Variants in RGS3 observed in about 807,000 individuals in gnomAD.
RGS3 encodes regulator of G-protein signalling 3.
Under a neutral mutation model 132.6 loss-of-function variants are expected in RGS3, and 80 were observed. The observed-to-expected ratio is 0.60, with a 90% CI of 0.50 to 0.73. RGS3 has a LOEUF of 0.73. Among genes scored for constraint, RGS3 ranks in the 30% least tolerant of loss-of-function variants. The pLI is 0.00. For missense variants in RGS3, 1,382 were observed against 1,530.8 expected (o/e 0.90, Z 1.62); for synonymous variants, 598 against 620.6 (o/e 0.96, Z 0.54).
intron 8 of RGS3, 114 bp downstream of exon 6, chr9:113,495,960 CTGAGACAGGTGCCCTGTGGGG>C: frequency 1.1e-6 from 1 of 921,866 alleles, no homozygotes; most frequent in South Asian, 1.3e-5. Context: ...TGGTGCCCCA[CTGAGACAGGTGCCCTGTGGGG>C]TGGCCTGCAT....
chr9:113,466,738 A>G (rs1412157438), intron 3 of RGS3, among the ~76,000 whole-genome samples: 1 of 152,242 alleles, frequency 6.6e-6, no homozygotes, highest in African/African-American at 2.4e-5. Context: ...TTGAAATATA[A>G]TTCAGATATA....
intron 15 of RGS3, among the ~76,000 whole-genome samples, chr9:113,517,030 C>T (rs1270445709): frequency 6.6e-6 from 1 of 152,122 alleles, no homozygotes; most frequent in Non-Finnish European, 1.5e-5. Context: ...GATAATTGAC[C>T]CTTGGGGGAT....
In RGS3 at chr9:113,565,095, C is replaced by T. The variant is rs1833934903; in HGVS notation, c.2038-18355C>T. 7.7e-6 allele frequency: 9 copies of T among 1,162,604 alleles called. No homozygotes were observed. The highest frequency in any genetic ancestry group is 1.6e-5 in the African/African-American group (1 of 61,782). The allele number at this position is 1,162,604 out of a possible 1,614,324, so 72.0% of individuals were successfully genotyped here. Reference sequence around the variant, plus strand: ...GCCGTTGTGAGGGATGGACGCCTCTCCCCCGGAGCAGCACTTTGGGGCCAG... The same window carrying T: ...GCCGTTGTGAGGGATGGACGCCTCTTCCCCGGAGCAGCACTTTGGGGCCAG... On this transcript the variant is annotated intron_variant, in intron 19 of 24. Transcript: ENST00000350696. This position sits in a 1 kb window ranked among gnomAD's most constrained non-coding sequence, Gnocchi z 5.7.
intron 19 of RGS3, among the ~76,000 whole-genome samples, chr9:113,547,945 T>C (rs754774414): frequency 1.3e-5 from 2 of 152,206 alleles, no homozygotes; most frequent in South Asian, 4.1e-4. Flanking sequence ...TATTAAGGGT[T>C]AAGTAGGCTG....
At chr9:113,518,406 G>T (rs1831783505) in intron 16 of RGS3, among the ~76,000 whole-genome samples, 2 of 152,216 alleles carry the variant, frequency 1.3e-5, no homozygotes, top group South Asian at 4.1e-4. Context: ...ACCCAGGTCT[G>T]CTGCTGGCTC....
intron 19 of RGS3, among the ~76,000 whole-genome samples, chr9:113,544,299 G>GTT (rs572535036): frequency 3.4e-4 from 45 of 133,420 alleles, no homozygotes; most frequent in Non-Finnish European, 3.4e-4. Context: ...CCATTTTCAT[G>GTT]TTTTTTTTTT....
chr9:113,560,775 G>C (rs2118812809), intron 19 of RGS3, among the ~76,000 whole-genome samples: 1 of 152,312 alleles, frequency 6.6e-6, no homozygotes, highest in African/African-American at 2.4e-5. Flanking sequence ...GCTTGGACTG[G>C]GGTGGCCATA....
chr9:113,490,858 TATA>T (rs1192265964), intron 7 of RGS3, among the ~76,000 whole-genome samples: 2 of 131,612 alleles, frequency 1.5e-5, no homozygotes, highest in African/African-American at 2.9e-5. Flanking sequence ...ATAACCTAAT[TATA>T]ATTATATATC....
intron 3 of RGS3, among the ~76,000 whole-genome samples, chr9:113,464,100 G>A (rs1008787270): frequency 3.3e-5 from 5 of 152,378 alleles, no homozygotes; most frequent in Admixed American, 1.3e-4. Context: ...CCGGCCATGA[G>A]TGCCAACTGC....
chr9:113,550,866 G>A (rs996924166), intron 19 of RGS3, among the ~76,000 whole-genome samples: 3 of 152,038 alleles, frequency 2.0e-5, no homozygotes, highest in Non-Finnish European at 4.4e-5. Context: ...TATATAATAA[G>A]GATATTTGTG....
At chr9:113,584,339 T>C (rs751916188) in exon 20 of RGS3, 1 of 1,594,738 alleles carries the variant, frequency 6.3e-7, no homozygotes, top group Non-Finnish European at 8.5e-7. Flanking sequence ...ACCTGGGGCA[T>C]GCCTTCGCCC....
intron 23 of RGS3, chr9:113,595,377 A>G (rs1023074440): frequency 1.2e-5 from 7 of 575,482 alleles, no homozygotes; most frequent in African/African-American, 1.9e-5. Flanking sequence ...CATTTCACAG[A>G]TGAAGACACT....
intron 3 of RGS3, among the ~76,000 whole-genome samples, chr9:113,474,137 A>C (rs1325813202): frequency 2.6e-5 from 4 of 152,180 alleles, no homozygotes; most frequent in Non-Finnish European, 5.9e-5. Flanking sequence ...GTAGACTAGA[A>C]GACTTATGCT....
chr9:113,460,588 T>G (rs974291038), intron 1 of RGS3, among the ~76,000 whole-genome samples: 2 of 152,230 alleles, frequency 1.3e-5, no homozygotes, highest in Admixed American at 1.3e-4. Flanking sequence ...GAAATGAATT[T>G]TTAGTTAAAA....
chr9:113,531,607 A>G (rs1289514418), intron 18 of RGS3, among the ~76,000 whole-genome samples: 1 of 152,182 alleles, frequency 6.6e-6, no homozygotes. Flanking sequence ...GAAATCACAA[A>G]TGATTTATTG....
rs776998917 is a variant in RGS3 at position 113,594,950 on chromosome 9, G to C, written c.3214G>C (p.Glu1072Gln). 9 of 1,614,110 alleles carry C rather than the reference G, an allele frequency of 5.6e-6. No homozygotes were observed. The South Asian group carries it at 8.8e-5, about 16-fold the overall frequency. ...CTCAGAGGAAGCCCTCAAGTGGGGC[G>C]AGTCCTTGGAGAAGCTGCTGGTTCA... The change falls in exon 23 of 25, where the codon GAG becomes CAG. Residue 1072 changes from glutamate to glutamine, a missense_variant. Coordinates refer to ENST00000350696, the Ensembl canonical transcript of RGS3.
intron 19 of RGS3, among the ~76,000 whole-genome samples, chr9:113,540,329 A>G (rs1832851420): frequency 1.3e-5 from 2 of 152,056 alleles, no homozygotes. Context: ...TCAAGCAAAT[A>G]TACATAATAA....
At chr9:113,445,188 C>A (rs1050445086) in intron 1 of RGS3, among the ~76,000 whole-genome samples, 1 of 142,984 alleles carries the variant, frequency 7.0e-6, no homozygotes, top group Non-Finnish European at 1.5e-5. Flanking sequence ...TTTTCTTTTT[C>A]TTTTTTTTTT....
chr9:113,497,001 G>A (rs1013296830), intron 8 of RGS3, among the ~76,000 whole-genome samples: 2 of 152,180 alleles, frequency 1.3e-5, no homozygotes, highest in African/African-American at 4.8e-5. Context: ...GGCTCCTACT[G>A]TATACCAGGC....
Sources: allele counts gnomAD v4.1 joint callset (sites outside exome capture counted in the v4.1 genomes callset), GRCh38; gene constraint gnomAD v4.1.1; non-coding constraint Gnocchi (gnomAD v3.1); transcripts MANE v1.5; gene names NCBI Gene and HGNC (gene_info 2026-07-23, HGNC 2026-07-21).